The following NRXN3 variants were observed in gnomAD, a reference collection of about 807,000 sequenced individuals.
NRXN3 encodes the protein neurexin 3, also known as neurexin III.
A neutral mutation model predicts 137.6 loss-of-function variants in NRXN3; 32 were observed. The ratio of observed to expected loss-of-function variants is 0.23; its 90% CI spans 0.18 to 0.31. The LOEUF (loss-of-function observed/expected upper bound fraction) is 0.31, where lower values mean the gene tolerates loss of function less well. NRXN3 is among the 10% of genes least tolerant of loss of function. The pLI, the probability that NRXN3 is intolerant of heterozygous loss-of-function variation, is 1.00. For synonymous variants in NRXN3, 798 were observed against 784.5 expected, an observed-to-expected ratio of 1.02 and a Z score of -0.29; for missense variants, 1,574 against 2,062.5, an observed-to-expected ratio of 0.76 and a Z score of 4.59.
At position 78,842,443 on chromosome 14, in the gene NRXN3, A is replaced by C. The variant is rs191416328; in HGVS notation, c.2275+32099A>C. The stretch of plus-strand genomic sequence containing the variant: ...GGAGTGTACGAATAGGGTGTGGGTC[A>C]CAGAGATCACATGCTTCACAAGGTA... On this transcript the variant is annotated intron_variant, in intron 10 of 20. Coordinates refer to ENST00000335750, the MANE Select transcript of NRXN3 (RefSeq NM_001330195.2). Among the ~76,000 whole-genome samples the C allele has an allele frequency of 5.3e-4, 81 of 152,256 alleles. No individual in the cohort carries two copies. The East Asian group carries it at 0.013, about 25-fold the overall frequency.
intron 6 of NRXN3, chr14:78,697,849 C>G (rs2098242505): frequency 6.6e-6 from 1 of 152,056 alleles, no homozygotes; most frequent in Admixed American, 6.6e-5. Context: ...GCCAACCTGA[C>G]ATATTCTTCC....
At chr14:79,527,871 CAA>C (rs33938281) in intron 16 of NRXN3, among the ~76,000 whole-genome samples, 99,896 of 118,282 alleles carry the variant, frequency 0.84, 41,976 homozygotes, top group Admixed American at 0.86. Flanking sequence ...ACTCCTTCGC[CAA>C]AAAAAAAAAA....
At chr14:78,969,793 A>G (rs1443296728) in intron 14 of NRXN3, among the ~76,000 whole-genome samples, 1 of 150,014 alleles carries the variant, frequency 6.7e-6, no homozygotes, top group African/African-American at 2.5e-5. Context: ...GTCTTGGCCA[A>G]ATATGGTGTT....
chr14:79,304,068 C>T (rs1297157227), intron 15 of NRXN3, among the ~76,000 whole-genome samples: 1 of 152,084 alleles, frequency 6.6e-6, no homozygotes, highest in East Asian at 1.9e-4. Context: ...AAGAACTACA[C>T]AAGCAAGGGA....
chr14:79,259,994 C>G (rs377674686), intron 15 of NRXN3, among the ~76,000 whole-genome samples: 4 of 152,092 alleles, frequency 2.6e-5, no homozygotes, highest in Admixed American at 2.6e-4. Context: ...TCAGTTGTGC[C>G]AGAGCATAAT....
At chr14:79,294,260 G>A (rs1229512587) in intron 15 of NRXN3, among the ~76,000 whole-genome samples, 20 of 152,120 alleles carry the variant, frequency 1.3e-4, no homozygotes, top group Admixed American at 1.2e-3. Flanking sequence ...CAATGACTTG[G>A]TAAATAACGT....
At chr14:79,434,616 G>A (rs1025548855) in intron 15 of NRXN3, among the ~76,000 whole-genome samples, 13 of 152,218 alleles carry the variant, frequency 8.5e-5, no homozygotes, top group Non-Finnish European at 1.2e-4. Flanking sequence ...ATCGCAAAGC[G>A]TGAGAGAGCA....
intron 17 of NRXN3, among the ~76,000 whole-genome samples, chr14:79,678,759 G>A (rs959721381): frequency 6.6e-6 from 1 of 152,046 alleles, no homozygotes; most frequent in African/African-American, 2.4e-5. Context: ...GACAGCAATG[G>A]TACATCAATA....
intron 16 of NRXN3, among the ~76,000 whole-genome samples, chr14:79,566,755 A>T (rs1427543390): frequency 6.6e-6 from 1 of 152,166 alleles, no homozygotes; most frequent in African/African-American, 2.4e-5. Flanking sequence ...ATACAAAAAA[A>T]TGTAAATAAC....
chr14:78,223,649 A>G (rs1306726594), intron 1 of NRXN3, among the ~76,000 whole-genome samples: 1 of 152,088 alleles, frequency 6.6e-6, no homozygotes, highest in Non-Finnish European at 1.5e-5. Context: ...CTATCCCCAG[A>G]GCACCCTGAA....
At chr14:79,163,552 C>A (rs1218155484) in intron 15 of NRXN3, among the ~76,000 whole-genome samples, 1 of 151,908 alleles carries the variant, frequency 6.6e-6, no homozygotes, top group East Asian at 1.9e-4. Flanking sequence ...GAAATCCAGT[C>A]ATGGCCTGAC....
chr14:78,982,952 C>A (rs2099493146), intron 14 of NRXN3, among the ~76,000 whole-genome samples: 1 of 151,918 alleles, frequency 6.6e-6, no homozygotes, highest in Non-Finnish European at 1.5e-5. Context: ...AAAACAAATA[C>A]CCCAATCAAA....
chr14:79,344,143 A>G (rs1034984847), intron 15 of NRXN3, among the ~76,000 whole-genome samples: 2 of 152,134 alleles, frequency 1.3e-5, no homozygotes, highest in Non-Finnish European at 2.9e-5. Flanking sequence ...GGAATGTATT[A>G]TTATCTATAT....
At chr14:79,188,980 G>A (rs1415605207) in intron 15 of NRXN3, among the ~76,000 whole-genome samples, 5 of 152,218 alleles carry the variant, frequency 3.3e-5, no homozygotes, top group South Asian at 2.1e-4. Flanking sequence ...TCAGTGTGGC[G>A]ATTCTTCAGG....
chr14:79,666,177 A>G (rs1195970941), intron 17 of NRXN3, among the ~76,000 whole-genome samples: 1 of 152,112 alleles, frequency 6.6e-6, no homozygotes. Flanking sequence ...TAATGCTTTC[A>G]AAATATATTA....
At chr14:79,211,862 C>T (rs2067714435) in intron 15 of NRXN3, among the ~76,000 whole-genome samples, 1 of 152,104 alleles carries the variant, frequency 6.6e-6, no homozygotes, top group Non-Finnish European at 1.5e-5. Flanking sequence ...GCAGATAAGA[C>T]TCCCCTACCC....
rs181823635 is a variant in NRXN3 at position 79,729,242 on chromosome 14, A to C, written c.4014+31305A>C. Among the ~76,000 whole-genome samples, 293 of 152,314 alleles carry C rather than the reference A, an allele frequency of 1.9e-3. 1 individual carries two copies. Among genetic ancestry groups the C allele is most frequent in the African/African-American group, 6.7e-3 (280 of 41,570 alleles). ...ATTTATTTTATTTTTTCTTTAGGGG[A>C]AAATCAAGAAGTTAGTGATCTAGGG... On this transcript the variant is annotated intron_variant, in intron 19 of 20. Transcript: ENST00000335750.
chr14:78,767,096 T>C (rs747281775), intron 8 of NRXN3, among the ~76,000 whole-genome samples: 13 of 152,154 alleles, frequency 8.5e-5, no homozygotes, highest in Non-Finnish European at 1.6e-4. Flanking sequence ...ATTAGTTGGG[T>C]TCTTTGCTTT....
At chr14:79,539,278 C>T (rs764379) in intron 16 of NRXN3, among the ~76,000 whole-genome samples, 41,013 of 151,972 alleles carry the variant, frequency 0.27, 6,366 homozygotes, top group African/African-American at 0.42. Flanking sequence ...AAATCATCCA[C>T]CCACCTGGGC....
Sources: gnomAD v4.1 joint callset for allele counts (sites outside exome capture counted in the v4.1 genomes callset) on GRCh38, gnomAD v4.1.1 for gene constraint, MANE v1.5 for transcripts, NCBI Gene and HGNC (gene_info 2026-07-23, HGNC 2026-07-21) for gene names.